Variants in SSBP4 observed in about 807,000 individuals in gnomAD.
SSBP4 encodes the protein single stranded DNA binding protein 4.
SSBP4 carries 33 observed loss-of-function variants against 64.6 expected under a neutral mutation model. That is an observed-to-expected ratio of 0.51 (90% confidence interval 0.39 to 0.68). The LOEUF is 0.68. SSBP4 is among the 30% of genes least tolerant of loss of function. SSBP4 has a pLI of 0.00. For synonymous variants in SSBP4, 243 were observed against 224.0 expected (o/e 1.08, Z -0.76); for missense variants, 583 against 566.8 (o/e 1.03, Z -0.29).
At position 18,434,490 on chromosome 19, in the gene SSBP4, G is replaced by A; in HGVS notation, c.*244G>A. 2.5e-6 allele frequency: 2 copies of A among 806,368 alleles called. No homozygotes were observed. Among genetic ancestry groups the A allele is most frequent in the Non-Finnish European group, 3.6e-6 (2 of 560,828 alleles). 50.0% of individuals were successfully genotyped at this position (806,368 alleles called of 1,614,324 possible). A position where few individuals can be genotyped will look rare whatever the true frequency, so the allele number is the denominator to read the frequency against. ...TTTGTCCCAGAGAGAAAGGCTCTTT[G>A]GGGGGCCCCTCTCCCCAGGACGTCA... On this transcript the variant is annotated 3_prime_UTR_variant, in exon 18 of 18. Coordinates refer to ENST00000270061, the MANE Select transcript of SSBP4 (RefSeq NM_032627.5).
chr19:18,418,976 G>A, upstream of SSBP4: 1 of 985,692 alleles, frequency 1.0e-6, no homozygotes, highest in Non-Finnish European at 1.2e-6. The surrounding 1 kb of genome is among the most constrained non-coding windows in gnomAD (Gnocchi z 6.7). Context: ...CTTGCTGAGT[G>A]TGGGTAGCTC....
Position 18,432,707 on chromosome 19 carries a change from A to T in SSBP4, c.758A>T (p.Tyr253Phe). ...WASPSGNSIPYSSSSPGSYTG... is the reference protein window; with the variant it reads ...WASPSGNSIPFSSSSPGSYTG... ...AGCTGCCCTTGTCCCCAGATCCCCTACTCCTCCTCATCCCCCGGCAGCTAC... is the reference window on the plus strand; with the variant it reads ...AGCTGCCCTTGTCCCCAGATCCCCTTCTCCTCCTCATCCCCCGGCAGCTAC... Residue 253 changes from tyrosine (Y) to phenylalanine (F), a missense_variant, in exon 12 of 18, where the codon TAC becomes TTC. By Grantham distance (22) the Tyr-to-Phe change is conservative. Coordinates refer to ENST00000270061, the MANE Select transcript of SSBP4 (RefSeq NM_032627.5). 1 of 1,576,476 alleles carries T rather than the reference A, an allele frequency of 6.3e-7. No homozygotes were observed. The highest frequency in any genetic ancestry group is 8.6e-7 in the Non-Finnish European group (1 of 1,157,104).
At chr19:18,420,712 G>T (rs1385256140) in intron 1 of SSBP4, among the ~76,000 whole-genome samples, 1 of 151,784 alleles carries the variant, frequency 6.6e-6, no homozygotes, top group Admixed American at 6.6e-5. Context: ...ACAAAAATTA[G>T]CTGGGCGTGG....
Position 18,430,782 on chromosome 19 carries a change from C to T in SSBP4, c.280-59C>T, listed in dbSNP as rs113572512. The T allele has an allele frequency of 7.7e-4, 1,148 of 1,492,790 alleles. 6 individuals carry two copies. The African/African-American group carries it at 9.6e-3, about 12-fold the overall frequency. The allele number at this position is 1,492,790 out of a possible 1,614,324, so 92.5% of individuals were successfully genotyped here. On this transcript the variant is annotated intron_variant, in intron 4 of 17. Transcript: ENST00000270061. ...ACCTGCAGAGAGGGGGGGCACACCC[C>T]AGGTAGGAAGTGTCCAGGTGTCCTG...
At chr19:18,417,213 C>T (rs756215130), upstream of SSBP4, among the ~76,000 whole-genome samples, 3 of 152,096 alleles carry the variant, frequency 2.0e-5, no homozygotes, top group Non-Finnish European at 4.4e-5. This position sits in a 1 kb window ranked among gnomAD's most constrained non-coding sequence, Gnocchi z 5.4. Flanking sequence ...TTTTGACTGT[C>T]CGCCTCCCCC....
chr19:18,410,751 T>G, the SSBP4 span, among the ~76,000 whole-genome samples: 1 of 151,818 alleles, frequency 6.6e-6, no homozygotes, highest in African/African-American at 2.4e-5. Flanking sequence ...CTGCTGGGAT[T>G]CTCAGGAGTT....
intron 5 of SSBP4, 119 bp downstream of exon 5, chr19:18,431,049 G>T (rs939171573): frequency 1.1e-5 from 13 of 1,224,678 alleles, no homozygotes; most frequent in African/African-American, 7.5e-5. Context: ...GGGTGGGAGG[G>T]TCCTCTGTGC....
the SSBP4 span, among the ~76,000 whole-genome samples, chr19:18,405,497 CAAA>C: frequency 7.2e-5 from 9 of 124,240 alleles, no homozygotes; most frequent in Non-Finnish European, 7.0e-5. Flanking sequence ...TCTGTCTCTA[CAAA>C]AAAAAAAAAA....
At chr19:18,416,825 TG>T (rs927950715), upstream of SSBP4, among the ~76,000 whole-genome samples, 1 of 152,096 alleles carries the variant, frequency 6.6e-6, no homozygotes, top group African/African-American at 2.4e-5. Flanking sequence ...TTCGCGTGGG[TG>T]GGGGGTCCCT....
At chr19:18,414,722 G>A (rs1431027477), upstream of SSBP4, among the ~76,000 whole-genome samples, 3 of 152,160 alleles carry the variant, frequency 2.0e-5, no homozygotes, top group Non-Finnish European at 4.4e-5. Context: ...GTGAGTTGCA[G>A]GTTTGGCAGA....
chr19:18,411,561 C>T, the SSBP4 span, among the ~76,000 whole-genome samples: 1 of 152,034 alleles, frequency 6.6e-6, no homozygotes, highest in East Asian at 1.9e-4. Flanking sequence ...GTTTGGGGAC[C>T]TCTCCGAGGG....
chr19:18,413,224 G>A, the SSBP4 span, among the ~76,000 whole-genome samples: 2 of 151,504 alleles, frequency 1.3e-5, no homozygotes, highest in Non-Finnish European at 2.9e-5. Flanking sequence ...GTGAGGGTGG[G>A]AGGTTGTAGG....
chr19:18,432,217 A>AAG lies in SSBP4; in HGVS notation c.704+5_704+6dup, dbSNP rs779930442. 5 of 1,612,866 alleles carry AAG rather than the reference A, an allele frequency of 3.1e-6. No homozygotes were observed. The East Asian group carries it at 8.9e-5, about 29-fold the overall frequency. On this transcript the variant is annotated splice_donor_region_variant and intron_variant, in intron 10 of 17. Coordinates refer to ENST00000270061, the MANE Select transcript of SSBP4 (RefSeq NM_032627.5). Reference sequence around the variant, plus strand: ...CCAGGCCTGCCTGCCATGAACATGTAAGACCCTGGGGGATCCTAGGAGTGT... The same window carrying AAG: ...CCAGGCCTGCCTGCCATGAACATGTAAGAGACCCTGGGGGATCCTAGGAGTGT...
upstream of SSBP4, among the ~76,000 whole-genome samples, chr19:18,417,933 G>A (rs1375773420): frequency 2.0e-5 from 3 of 152,164 alleles, no homozygotes; most frequent in Non-Finnish European, 4.4e-5. This position sits in a 1 kb window ranked among gnomAD's most constrained non-coding sequence, Gnocchi z 5.4. Context: ...AGGCATCTGC[G>A]GGGTCAGCTG....
At position 18,431,662 on chromosome 19, in the gene SSBP4, C is replaced by G. The variant is rs373360929; in HGVS notation, c.451C>G (p.Arg151Gly). The change falls in exon 7 of 18, where the codon CGC (arginine) becomes GGC (glycine). Residue 151 changes from arginine to glycine, a missense_variant. This residue lies in a region of SSBP4 where 444 missense variants were observed against 386.6 expected (regional missense o/e 1.15). Coordinates refer to ENST00000270061, the MANE Select transcript of SSBP4 (RefSeq NM_032627.5). ...GPHGQPFMSP[R>G]FPGGPRPTLR... ...CCTCTTCCAGCCCTTCATGTCACCG[C>G]GCTTCCCAGGGGGCCCCCGGCCCAC... 3 of 1,552,306 alleles carry G rather than the reference C, an allele frequency of 1.9e-6. No individual in the cohort carries two copies. The highest frequency in any genetic ancestry group is 2.6e-6 in the Non-Finnish European group (3 of 1,148,422).
At chr19:18,430,120 T>G (rs980245275) in intron 4 of SSBP4, among the ~76,000 whole-genome samples, 7 of 152,144 alleles carry the variant, frequency 4.6e-5, no homozygotes, top group African/African-American at 1.4e-4. Flanking sequence ...GGGCTTGGCC[T>G]GGACCATACA....
chr19:18,417,957 T>A (rs1315357287), upstream of SSBP4, among the ~76,000 whole-genome samples: 2 of 151,876 alleles, frequency 1.3e-5, no homozygotes, highest in African/African-American at 4.8e-5. The surrounding 1 kb of genome is among the most constrained non-coding windows in gnomAD (Gnocchi z 5.4). Flanking sequence ...GCGAGAGACA[T>A]CCAGACATTC....
At chr19:18,421,261 C>T (rs578096810) in intron 1 of SSBP4, among the ~76,000 whole-genome samples, 2 of 152,366 alleles carry the variant, frequency 1.3e-5, no homozygotes, top group South Asian at 2.1e-4. Context: ...CCTCCCTTGC[C>T]TGTGTGCAGT....
chr19:18,433,975 T>G, intron 17 of SSBP4, 158 bp downstream of exon 17: 2 of 1,129,402 alleles, frequency 1.8e-6, no homozygotes, highest in Non-Finnish European at 1.1e-6. Flanking sequence ...CCTCAACCTC[T>G]CCCCACCCCC....
Sources: allele counts gnomAD v4.1 joint callset (sites outside exome capture counted in the v4.1 genomes callset), GRCh38; gene constraint gnomAD v4.1.1; regional missense constraint gnomAD v4.1.1; non-coding constraint Gnocchi (gnomAD v3.1); transcripts MANE v1.5; gene names NCBI Gene and HGNC (gene_info 2026-07-23, HGNC 2026-07-21).